The following AGO4 variants were observed in gnomAD, a reference collection of about 807,000 sequenced individuals.
AGO4 encodes argonaute RISC component 4.
A neutral mutation model predicts 104.7 loss-of-function variants in AGO4; 33 were observed. The ratio of observed to expected loss-of-function variants is 0.32; its 90% CI spans 0.24 to 0.42. The LOEUF is 0.42. Among genes scored for constraint, AGO4 ranks in the 10% least tolerant of loss-of-function variants. The pLI is 1.00. For missense variants in AGO4, 711 were observed against 1,083.4 expected (o/e 0.66, Z 4.83); for synonymous variants, 331 against 364.7 (o/e 0.91, Z 1.05).
chr1:35,808,451 G>C lies in AGO4; in HGVS notation c.19+16G>C. On this transcript the variant is annotated intron_variant, in intron 1 of 17. Coordinates refer to ENST00000373210, the MANE Select transcript of AGO4 (RefSeq NM_017629.4). The surrounding 1 kb of genome is among the most constrained non-coding windows in gnomAD (Gnocchi z 5.2). ...CTGGGACCCGGTGAGGAGCGAGCTCGGGTCGGGGCGGGACCCGGGACCCGG... is the reference window on the plus strand; with the variant it reads ...CTGGGACCCGGTGAGGAGCGAGCTCCGGTCGGGGCGGGACCCGGGACCCGG... 8.5e-7 allele frequency: 1 copy of C among 1,177,906 alleles called. No individual in the cohort carries two copies. Among genetic ancestry groups the C allele is most frequent in the Non-Finnish European group, 1.0e-6 (1 of 953,134 alleles). The allele number at this position is 1,177,906 out of a possible 1,614,324, so 73.0% of individuals were successfully genotyped here. A position where few individuals can be genotyped will look rare whatever the true frequency, so the allele number is the denominator to read the frequency against.
intron 15 of AGO4, among the ~76,000 whole-genome samples, chr1:35,848,301 T>C (rs975549938): frequency 5.3e-5 from 8 of 152,232 alleles, no homozygotes; most frequent in Non-Finnish European, 2.9e-5. Context: ...TTTCTGAGTT[T>C]AGGGGTATTT....
rs528493903 is a variant in AGO4 at position 35,854,805 on chromosome 1, C to A, written c.*1200C>A. 4 of 152,640 alleles carry A rather than the reference C, an allele frequency of 2.6e-5. No individual in the cohort carries two copies. The highest frequency in any genetic ancestry group is 5.9e-5 in the Non-Finnish European group (4 of 68,034). 9.5% of individuals were successfully genotyped at this position (152,640 alleles called of 1,614,324 possible). A position where few individuals can be genotyped will look rare whatever the true frequency, so the allele number is the denominator to read the frequency against. ...GCAAATGTACCAGCATTTAAAATTT[C>A]TTTTCCTGGGAATCAAGGTAACTCA... On this transcript the variant is annotated 3_prime_UTR_variant, in exon 18 of 18. Transcript: ENST00000373210.
At chr1:35,830,535 T>G (rs1644155737) in intron 7 of AGO4, among the ~76,000 whole-genome samples, 1 of 152,196 alleles carries the variant, frequency 6.6e-6, no homozygotes, top group African/African-American at 2.4e-5. Flanking sequence ...ATCTTCTTGT[T>G]TTAAGTTATT....
In AGO4 at chr1:35,857,569, G is replaced by T. The variant is rs567408409; in HGVS notation, c.*3964G>T. 2 of 152,184 alleles carry T rather than the reference G, an allele frequency of 1.3e-5. No individual in the cohort carries two copies. Among genetic ancestry groups the T allele is most frequent in the African/African-American group, 4.8e-5 (2 of 41,454 alleles). The allele number at this position is 152,184 out of a possible 1,614,324, so 9.4% of individuals were successfully genotyped here. On this transcript the variant is annotated 3_prime_UTR_variant, in exon 18 of 18. Transcript: ENST00000373210. ...GGGTTGTATCCTCATGTTGAGATAAGATGATGGTCGTTTAAATTTTGCAAT... is the reference window on the plus strand; with the variant it reads ...GGGTTGTATCCTCATGTTGAGATAATATGATGGTCGTTTAAATTTTGCAAT...
chr1:35,828,941 A>T (rs533559352), intron 7 of AGO4, among the ~76,000 whole-genome samples: 1 of 152,294 alleles, frequency 6.6e-6, no homozygotes, highest in South Asian at 2.1e-4. Context: ...TGACATAAAC[A>T]TAAATATTGG....
chr1:35,822,914 C>T lies in AGO4; in HGVS notation c.238C>T (p.Arg80Trp), dbSNP rs376006576. Reference sequence around the variant, plus strand: ...CTTCAAGATGCAAATATTTGGTGATCGGCAGCCTGGGTATGATGGCAAAAG... The same window carrying T: ...CTTCAAGATGCAAATATTTGGTGATTGGCAGCCTGGGTATGATGGCAAAAG... ...RHFKMQIFGD[R>W]QPGYDGKRNM... The change falls in exon 3 of 18, where the codon CGG becomes TGG. Residue 80 changes from arginine (R) to tryptophan (W), a missense_variant. Coordinates refer to ENST00000373210, the MANE Select transcript of AGO4 (RefSeq NM_017629.4). 3.1e-6 allele frequency: 5 copies of T among 1,613,876 alleles called. No individual in the cohort carries two copies. Among genetic ancestry groups the T allele is most frequent in the East Asian group, 2.2e-5 (1 of 44,878 alleles).
At position 35,825,726 on chromosome 1, in the gene AGO4, A is replaced by G. The variant is rs1294699854; in HGVS notation, c.536A>G (p.Tyr179Cys). The G allele has an allele frequency of 1.9e-6, 3 of 1,587,990 alleles. No homozygotes were observed. Among genetic ancestry groups the G allele is most frequent in the Middle Eastern group, 1.7e-4 (1 of 5,912 alleles). Reference protein sequence around the residue: ...RSFFSPPEGYYHPLGGGREVW... With the variant: ...RSFFSPPEGYCHPLGGGREVW... ...TTTTTCTCACCCCCGGAAGGTTACT[A>G]CCACCCTCTGGGAGGGGGCAGGGAG... Residue 179 changes from tyrosine to cysteine, a missense_variant, in exon 5 of 18, where the codon TAC becomes TGC. Tyr to Cys is a radical substitution (Grantham distance 194). This residue lies in a region of AGO4 where 308 missense variants were observed against 397.8 expected (regional missense o/e 0.77). Coordinates refer to ENST00000373210, the MANE Select transcript of AGO4 (RefSeq NM_017629.4).
chr1:35,830,937 A>G (rs1330656269), intron 7 of AGO4, among the ~76,000 whole-genome samples: 1 of 147,646 alleles, frequency 6.8e-6, no homozygotes, highest in African/African-American at 2.5e-5. Context: ...GTGCCACTGC[A>G]CTCCCGCCTG....
rs1219632202 is a variant in AGO4, at chr1:35,841,753, A to AAGAAGATATAATAT, written c.2175+5_2175+18dup. On this transcript the variant is annotated splice_donor_region_variant and intron_variant, in intron 15 of 17. Coordinates refer to ENST00000373210, the MANE Select transcript of AGO4 (RefSeq NM_017629.4). The surrounding 1 kb of genome is among the most constrained non-coding windows in gnomAD (Gnocchi z 4.7). ...TCTGTGCAGATAAAACAGAAAGGGT[A>AAGAAGATATAATAT]AGAAGATATAATATAAGCTTTGTTA... is the stretch of plus-strand genomic sequence containing the variant. 6.2e-7 allele frequency: 1 copy of AAGAAGATATAATAT among 1,612,718 alleles called. No homozygotes were observed. Among genetic ancestry groups the AAGAAGATATAATAT allele is most frequent in the African/African-American group, 1.3e-5 (1 of 74,768 alleles).
rs748622514 is a variant in AGO4, at chr1:35,816,818, A to AG, written c.20-64_20-63insG. 1.0e-3 allele frequency: 1,434 copies of AG among 1,416,202 alleles called. 1 individual carries two copies. The highest frequency in any genetic ancestry group is 4.1e-3 in the African/African-American group (255 of 61,732). The allele number at this position is 1,416,202 out of a possible 1,614,324, so 87.7% of individuals were successfully genotyped here. On this transcript the variant is annotated intron_variant, in intron 1 of 17. Transcript: ENST00000373210. ...TGTCTCAAAAAAAAAAAAAAAAAAA[A>AG]AAAGAAAGAAAGAAAGAAAAAGAAA...
At chr1:35,812,845 G>T (rs1410299864) in intron 1 of AGO4, among the ~76,000 whole-genome samples, 1 of 152,078 alleles carries the variant, frequency 6.6e-6, no homozygotes, top group African/African-American at 2.4e-5. Context: ...GCCCGCTTCA[G>T]CCTTCCAAAG....
chr1:35,841,835 T>TAC lies in AGO4; in HGVS notation c.2175+86_2175+87insCA. ...ACATATATATATATATATATATATA[T>TAC]ATACACCATTTTTATACAATTTTTT... On this transcript the variant is annotated intron_variant, in intron 15 of 17. Coordinates refer to ENST00000373210, the MANE Select transcript of AGO4 (RefSeq NM_017629.4). The surrounding 1 kb of genome is among the most constrained non-coding windows in gnomAD (Gnocchi z 4.7). The TAC allele has an allele frequency of 1.3e-6, 1 of 775,142 alleles. No homozygotes were observed. Among genetic ancestry groups the TAC allele is most frequent in the Non-Finnish European group, 1.7e-6 (1 of 597,242 alleles). The allele number at this position is 775,142 out of a possible 1,614,324, so 48.0% of individuals were successfully genotyped here. A position where few individuals can be genotyped will look rare whatever the true frequency, so the allele number is the denominator to read the frequency against.
rs571529792 is a variant in AGO4, at chr1:35,854,928, AG to A, written c.*1325del. The A allele has an allele frequency of 3.9e-5, 6 of 152,632 alleles. No homozygotes were observed. Among genetic ancestry groups the A allele is most frequent in the Non-Finnish European group, 5.9e-5 (4 of 68,036 alleles). The allele number at this position is 152,632 out of a possible 1,614,324, so 9.5% of individuals were successfully genotyped here. ...TTATTAAACTAAAACTGTGTGGAAA[AG>A]GTTGATTTTTCTTAATAGATTCTGG... On this transcript the variant is annotated 3_prime_UTR_variant, in exon 18 of 18. Coordinates refer to ENST00000373210, the MANE Select transcript of AGO4 (RefSeq NM_017629.4).
rs975224813 is a variant in AGO4, at chr1:35,854,809, T to C, written c.*1204T>C. 1.3e-5 allele frequency: 2 copies of C among 152,684 alleles called. No individual in the cohort carries two copies. The highest frequency in any genetic ancestry group is 2.9e-5 in the Non-Finnish European group (2 of 68,042). The allele number at this position is 152,684 out of a possible 1,614,324, so 9.5% of individuals were successfully genotyped here. A position where few individuals can be genotyped will look rare whatever the true frequency, so the allele number is the denominator to read the frequency against. The stretch of plus-strand genomic sequence containing the variant: ...ATGTACCAGCATTTAAAATTTCTTT[T>C]CCTGGGAATCAAGGTAACTCACACG... On this transcript the variant is annotated 3_prime_UTR_variant, in exon 18 of 18. Transcript: ENST00000373210.
At chr1:35,846,695 C>T (rs1644582167) in intron 15 of AGO4, among the ~76,000 whole-genome samples, 1 of 151,638 alleles carries the variant, frequency 6.6e-6, no homozygotes, top group Non-Finnish European at 1.5e-5. Flanking sequence ...AGTGGTCCTC[C>T]CACCTCAGCC....
intron 17 of AGO4, among the ~76,000 whole-genome samples, chr1:35,851,565 C>CTAT (rs1644702463): frequency 6.6e-6 from 1 of 152,146 alleles, no homozygotes; most frequent in African/African-American, 2.4e-5. Context: ...TTATTTTGAC[C>CTAT]TATTCCTGAG....
At chr1:35,851,166 A>G (rs1644693947) in intron 17 of AGO4, 113 bp downstream of exon 17, 1 of 1,108,840 alleles carries the variant, frequency 9.0e-7, no homozygotes, top group Non-Finnish European at 1.3e-6. Context: ...TTAAATTGTA[A>G]GAAGCAAATA....
chr1:35,857,757 T>A lies in AGO4; in HGVS notation c.*4152T>A, dbSNP rs1265417731. The A allele has an allele frequency of 6.6e-6, 1 of 152,236 alleles. No individual in the cohort carries two copies. The highest frequency in any genetic ancestry group is 1.5e-5 in the Non-Finnish European group (1 of 68,038). The allele number at this position is 152,236 out of a possible 1,614,324, so 9.4% of individuals were successfully genotyped here. ...CTTTATAAAAACAGTTTCCTCAGTA[T>A]GAGAAATTTTACAAAGAACAGTGGA... is the stretch of plus-strand genomic sequence containing the variant. On this transcript the variant is annotated 3_prime_UTR_variant, in exon 18 of 18. Coordinates refer to ENST00000373210, the MANE Select transcript of AGO4 (RefSeq NM_017629.4).
intron 3 of AGO4, among the ~76,000 whole-genome samples, chr1:35,824,355 C>G (rs1055538946): frequency 1.4e-4 from 21 of 151,762 alleles, no homozygotes; most frequent in Admixed American, 3.9e-4. Flanking sequence ...GATGTGTATT[C>G]TTATTGTTTT....
Sources: allele counts gnomAD v4.1 joint callset (sites outside exome capture counted in the v4.1 genomes callset), GRCh38; gene constraint gnomAD v4.1.1; regional missense constraint gnomAD v4.1.1; non-coding constraint Gnocchi (gnomAD v3.1); transcripts MANE v1.5; gene names NCBI Gene and HGNC (gene_info 2026-07-23, HGNC 2026-07-21).